MIX23: variants seen among roughly 807,000 people sequenced by gnomAD.
MIX23 encodes mitochondrial matrix import factor 23.
A neutral mutation model predicts 21.6 loss-of-function variants in MIX23; 13 were observed. The ratio of observed to expected loss-of-function variants is 0.60; its 90% CI spans 0.39 to 0.96. MIX23 has a LOEUF of 0.96. Among genes scored for constraint, MIX23 ranks in the 40% least tolerant of loss-of-function variants. The pLI, the probability that MIX23 is intolerant of heterozygous loss-of-function variation, is 0.00. For synonymous variants in MIX23, 59 were observed against 58.0 expected (o/e 1.02, Z -0.08); for missense variants, 144 against 171.2 (o/e 0.84, Z 0.89).
intron 1 of MIX23, chr3:122,373,031 G>A (rs757952793): frequency 1.3e-5 from 5 of 397,502 alleles, no homozygotes; most frequent in South Asian, 6.1e-5. Context: ...TTCTTTCCTC[G>A]TCCATTTGTT....
chr3:122,374,005 ACAAATGATGG>A (rs1421626052), intron 1 of MIX23, among the ~76,000 whole-genome samples: 1 of 152,072 alleles, frequency 6.6e-6, no homozygotes, highest in Non-Finnish European at 1.5e-5. Flanking sequence ...TAAATTCCAA[ACAAATGATGG>A]CAGTACTATT....
intron 1 of MIX23, chr3:122,373,073 T>C (rs1274573576): frequency 5.3e-6 from 2 of 376,928 alleles, no homozygotes; most frequent in East Asian, 1.5e-4. Context: ...ATTACTTTCA[T>C]TTTAGAAAAG....
At position 122,381,705 on chromosome 3, in the gene MIX23, G is replaced by A. The variant is rs551528235; in HGVS notation, c.51+1469C>T. On this transcript the variant is annotated intron_variant, in intron 1 of 4. Transcript: ENST00000291458. ...TGCACTCCAGCCTGGGGGATAGAGC[G>A]AGACTCTGTCTCAAAAAAAAAATAA... 4.1e-5 allele frequency among the ~76,000 whole-genome samples: 6 copies of A among 145,102 alleles called. No homozygotes were observed. In the Admixed American group the frequency reaches 4.2e-4, roughly 10 times the overall value.
At chr3:122,369,685 C>G (rs1056102777) in intron 2 of MIX23, among the ~76,000 whole-genome samples, 1 of 152,044 alleles carries the variant, frequency 6.6e-6, no homozygotes, top group Non-Finnish European at 1.5e-5. Flanking sequence ...CCTGATTCAA[C>G]AAGGAGATAA....
chr3:122,359,898 T>C lies in MIX23; in HGVS notation c.406A>G (p.Ile136Val). ...TCATTCTTTGGAGGCTTGAAGTGAATTCGGCAGCGTTCATTAAACACCTAA... is the reference window on the plus strand; with the variant it reads ...TCATTCTTTGGAGGCTTGAAGTGAACTCGGCAGCGTTCATTAAACACCTAA... ...SWKVFNERCR[I>V]HFKPPKNE Residue 136 changes from isoleucine (I) to valine (V), a missense_variant, in exon 5 of 5, where the codon ATT becomes GTT. Physicochemically the swap from Ile to Val is conservative, Grantham distance 29. Coordinates refer to ENST00000291458, the MANE Select transcript of MIX23 (RefSeq NM_001017928.4). 6.6e-7 allele frequency: 1 copy of C among 1,512,972 alleles called. No homozygotes were observed. Among genetic ancestry groups the C allele is most frequent in the Non-Finnish European group, 8.9e-7 (1 of 1,117,728 alleles). 93.7% of individuals were successfully genotyped at this position (1,512,972 alleles called of 1,614,324 possible). A position where few individuals can be genotyped will look rare whatever the true frequency, so the allele number is the denominator to read the frequency against.
At chr3:122,379,431 A>G (rs1045542009) in intron 1 of MIX23, among the ~76,000 whole-genome samples, 1 of 152,216 alleles carries the variant, frequency 6.6e-6, no homozygotes, top group Non-Finnish European at 1.5e-5. Context: ...AAAAGTGCCA[A>G]AGCTGTTAAG....
intron 1 of MIX23, chr3:122,372,925 T>TA: frequency 2.8e-6 from 1 of 356,162 alleles, no homozygotes; most frequent in Non-Finnish European, 5.5e-6. Context: ...TCAATATTAA[T>TA]ATGTATTAAA....
At chr3:122,370,222 C>T (rs144829463) in intron 2 of MIX23, among the ~76,000 whole-genome samples, 7 of 152,112 alleles carry the variant, frequency 4.6e-5, no homozygotes, top group Admixed American at 2.0e-4. Flanking sequence ...GAGGCCAAGG[C>T]GGGTGGATCA....
intron 1 of MIX23, among the ~76,000 whole-genome samples, chr3:122,377,212 C>A (rs1014282708): frequency 6.6e-6 from 1 of 151,922 alleles, no homozygotes; most frequent in African/African-American, 2.4e-5. Context: ...ACCCCCAAAT[C>A]TAAAATTTTT....
At chr3:122,376,821 T>A (rs1217606486) in intron 1 of MIX23, among the ~76,000 whole-genome samples, 1 of 151,610 alleles carries the variant, frequency 6.6e-6, no homozygotes, top group Non-Finnish European at 1.5e-5. Flanking sequence ...AGGGCAAGGG[T>A]AAGGAGGAAG....
intron 4 of MIX23, among the ~76,000 whole-genome samples, chr3:122,361,544 T>C (rs1348948617): frequency 6.6e-6 from 1 of 152,222 alleles, no homozygotes; most frequent in Non-Finnish European, 1.5e-5. Context: ...CCTCATCTTC[T>C]GTGGAGTGGA....
chr3:122,376,166 C>CAAAAAAAAAAAAAAAAAAAAAAAAAAAAA lies in MIX23; in HGVS notation c.52-4367_52-4366insTTTTTTTTTTTTTTTTTTTTTTTTTTTTT, dbSNP rs1158747986. On this transcript the variant is annotated intron_variant, in intron 1 of 4. Coordinates refer to ENST00000291458, the MANE Select transcript of MIX23 (RefSeq NM_001017928.4). Reference sequence around the variant, plus strand: ...TGGGCAGCAGAGAGAGACTCCGTCTCAAAAAAAAAAAAAAAAAAAAAAAGA... The same window carrying CAAAAAAAAAAAAAAAAAAAAAAAAAAAAA: ...TGGGCAGCAGAGAGAGACTCCGTCTCAAAAAAAAAAAAAAAAAAAAAAAAAAAAAAAAAAAAAAAAAAAAAAAAAAAAGA... Among the ~76,000 whole-genome samples, 2 of 64,480 alleles carry CAAAAAAAAAAAAAAAAAAAAAAAAAAAAA rather than the reference C, an allele frequency of 3.1e-5. 1 individual carries two copies. The highest frequency in any genetic ancestry group is 5.4e-5 in the Non-Finnish European group (2 of 36,842). 42.3% of individuals were successfully genotyped at this position (64,480 alleles called of 152,430 possible).
At chr3:122,382,312 A>G (rs1032361757) in intron 1 of MIX23, among the ~76,000 whole-genome samples, 2 of 152,220 alleles carry the variant, frequency 1.3e-5, no homozygotes, top group African/African-American at 4.8e-5. Flanking sequence ...TTTCTTTTAA[A>G]AAATTACCCG....
At chr3:122,382,328 G>A (rs1276361818) in intron 1 of MIX23, among the ~76,000 whole-genome samples, 1 of 152,208 alleles carries the variant, frequency 6.6e-6, no homozygotes, top group East Asian at 1.9e-4. Context: ...ACCCGGGCGT[G>A]GTGACACGTG....
At chr3:122,362,133 C>T (rs2075362684) in intron 4 of MIX23, among the ~76,000 whole-genome samples, 1 of 152,060 alleles carries the variant, frequency 6.6e-6, no homozygotes, top group Non-Finnish European at 1.5e-5. Flanking sequence ...AATCTAGTTC[C>T]TAACAAGAAC....
At chr3:122,368,715 G>GCTT (rs1430609707) in intron 2 of MIX23, among the ~76,000 whole-genome samples, 1 of 152,012 alleles carries the variant, frequency 6.6e-6, no homozygotes, top group Non-Finnish European at 1.5e-5. Flanking sequence ...CACTTAAACG[G>GCTT]CTATTCTTCC....
At chr3:122,371,938 G>GCAAC (rs771542491) in intron 1 of MIX23, 138 bp from the exon 2 acceptor site, 21 of 661,378 alleles carry the variant, frequency 3.2e-5, no homozygotes, top group Non-Finnish European at 4.8e-5. Context: ...CCAAATACAT[G>GCAAC]CAACCATAAG....
At chr3:122,368,114 T>C (rs1160473478) in intron 3 of MIX23, 62 bp downstream of exon 3, 3 of 1,531,178 alleles carry the variant, frequency 2.0e-6, no homozygotes, top group African/African-American at 1.4e-5. Flanking sequence ...ATTAAAAATC[T>C]TACTTTGAAG....
chr3:122,383,000 C>T (rs1352747458), intron 1 of MIX23, 174 bp downstream of exon 1: 5 of 752,486 alleles, frequency 6.6e-6, no homozygotes, highest in Non-Finnish European at 9.3e-6. Flanking sequence ...TCCTACAGAG[C>T]AGCCTCGCTC....
Sources: allele counts gnomAD v4.1 joint callset (sites outside exome capture counted in the v4.1 genomes callset), GRCh38; gene constraint gnomAD v4.1.1; transcripts MANE v1.5; gene names NCBI Gene and HGNC (gene_info 2026-07-23, HGNC 2026-07-21).